Variants in PRKG1 observed in about 807,000 individuals in gnomAD.
PRKG1 encodes protein kinase cGMP-dependent 1, also known as cGMP-dependent protein kinase 1.
PRKG1 carries 35 observed loss-of-function variants against 88.1 expected under a neutral mutation model. The ratio of observed to expected loss-of-function variants is 0.40; its 90% confidence interval spans 0.30 to 0.53. The LOEUF (loss-of-function observed/expected upper bound fraction) is 0.53. Among genes scored for constraint, PRKG1 ranks in the 20% least tolerant of loss-of-function variants. The pLI is 0.59. For synonymous variants in PRKG1, 303 were observed against 292.5 expected, an observed-to-expected ratio of 1.04 and a Z score of -0.37; for missense variants, 540 against 839.8, an observed-to-expected ratio of 0.64 and a Z score of 4.41.
In PRKG1 at chr10:51,859,040, C is replaced by T. The variant is rs1017323375; in HGVS notation, c.699-48467C>T. Among the ~76,000 whole-genome samples the T allele has an allele frequency of 4.6e-5, 7 of 152,158 alleles. No homozygotes were observed. In the South Asian group the frequency reaches 8.3e-4, roughly 18 times the overall value. On this transcript the variant is annotated intron_variant, in intron 4 of 17. Transcript: ENST00000373980. ...TGGCCTGCTCGATAGAACAAAAGCTCCTGCTTATTTGAGAAAGTGATGAGG... is the reference window on the plus strand; with the variant it reads ...TGGCCTGCTCGATAGAACAAAAGCTTCTGCTTATTTGAGAAAGTGATGAGG...
intron 1 of PRKG1, among the ~76,000 whole-genome samples, chr10:51,081,646 A>G (rs1844114020): frequency 6.6e-6 from 1 of 152,246 alleles, no homozygotes; most frequent in South Asian, 2.1e-4. Context: ...GAAAGCATCA[A>G]GAATTACACT....
intron 2 of PRKG1, among the ~76,000 whole-genome samples, chr10:51,179,695 C>T (rs1321911923): frequency 6.6e-6 from 1 of 152,100 alleles, no homozygotes; most frequent in Admixed American, 6.6e-5. Context: ...TGCTCCAGTC[C>T]CTCAGACACC....
At chr10:51,053,265 C>T (rs1056685015) in intron 1 of PRKG1, among the ~76,000 whole-genome samples, 2 of 130,030 alleles carry the variant, frequency 1.5e-5, no homozygotes, top group African/African-American at 2.9e-5. Flanking sequence ...AAAAAAAAAA[C>T]CATTTTCCAC....
intron 2 of PRKG1, among the ~76,000 whole-genome samples, chr10:51,412,180 TGAGAGAGAGAGAGA>T (rs746950388): frequency 3.2e-5 from 4 of 125,276 alleles, no homozygotes; most frequent in Admixed American, 2.4e-4. Context: ...GGAGAGAGAG[TGAGAGAGAGAGAGA>T]GAGAGAGAGA....
chr10:51,627,458 C>T (rs1839366565), intron 3 of PRKG1, among the ~76,000 whole-genome samples: 1 of 152,088 alleles, frequency 6.6e-6, no homozygotes, highest in Non-Finnish European at 1.5e-5. Context: ...TAAGGAAAAC[C>T]TCCCAATTAA....
At chr10:51,371,938 G>C (rs1478085068) in intron 2 of PRKG1, among the ~76,000 whole-genome samples, 1 of 148,332 alleles carries the variant, frequency 6.7e-6, no homozygotes, top group Non-Finnish European at 1.5e-5. Context: ...CAGGGTGATG[G>C]TACAGCCAGT....
intron 4 of PRKG1, among the ~76,000 whole-genome samples, chr10:51,810,480 A>G (rs561421580): frequency 6.6e-6 from 1 of 152,276 alleles, no homozygotes; most frequent in Non-Finnish European, 1.5e-5. Context: ...AGCTGCTTTG[A>G]TGATCCCTCC....
At chr10:51,231,009 A>T (rs1838830025) in intron 2 of PRKG1, among the ~76,000 whole-genome samples, 1 of 152,122 alleles carries the variant, frequency 6.6e-6, no homozygotes, top group South Asian at 2.1e-4. Flanking sequence ...GTTACTGTAA[A>T]CCATTAAGTC....
intron 1 of PRKG1, among the ~76,000 whole-genome samples, chr10:51,140,995 G>A (rs1845807747): frequency 6.6e-6 from 1 of 152,060 alleles, no homozygotes; most frequent in African/African-American, 2.4e-5. Flanking sequence ...TATATCTTGG[G>A]CTTAGTTTTC....
At chr10:51,558,098 A>C (rs1047056777) in intron 3 of PRKG1, among the ~76,000 whole-genome samples, 4 of 152,084 alleles carry the variant, frequency 2.6e-5, no homozygotes, top group African/African-American at 9.7e-5. Flanking sequence ...CTTTTGAATA[A>C]AAATTACCAA....
chr10:51,575,757 G>A (rs1837870363), intron 3 of PRKG1, among the ~76,000 whole-genome samples: 1 of 151,630 alleles, frequency 6.6e-6, no homozygotes, highest in Non-Finnish European at 1.5e-5. Flanking sequence ...CTAAGGACCT[G>A]CACAACTTTG....
intron 2 of PRKG1, among the ~76,000 whole-genome samples, chr10:51,275,465 T>C (rs1840090316): frequency 6.6e-6 from 1 of 152,234 alleles, no homozygotes; most frequent in Non-Finnish European, 1.5e-5. Flanking sequence ...TCATAATGTA[T>C]TTCCTCATAG....
rs374739496 is a variant in PRKG1, at chr10:51,979,453, GT to G, written c.762+71887del. Among the ~76,000 whole-genome samples, 511 of 106,004 alleles carry G rather than the reference GT, an allele frequency of 4.8e-3. 3 individuals are homozygous for G. The highest frequency in any genetic ancestry group is 0.017 in the Middle Eastern group (2 of 118). 69.5% of individuals were successfully genotyped at this position (106,004 alleles called of 152,430 possible). On this transcript the variant is annotated intron_variant, in intron 5 of 17. Coordinates refer to ENST00000373980, the MANE Select transcript of PRKG1 (RefSeq NM_006258.4). ...TTTTTTTCTGTTTTGTCTCTGCCAGGTTTTGGTATCAGGATGACGCTGGCCT... is the reference window on the plus strand; with the variant it reads ...TTTTTTTCTGTTTTGTCTCTGCCAGGTTTGGTATCAGGATGACGCTGGCCT...
chr10:51,436,884 A>G (rs77409035), intron 2 of PRKG1, among the ~76,000 whole-genome samples: 5,460 of 152,112 alleles, frequency 0.036, 108 homozygotes, highest in Non-Finnish European at 0.041. Flanking sequence ...TGAGAATAAA[A>G]TAATGAACTG....
intron 3 of PRKG1, among the ~76,000 whole-genome samples, chr10:51,523,775 G>T (rs1255149321): frequency 6.6e-6 from 1 of 152,076 alleles, no homozygotes; most frequent in African/African-American, 2.4e-5. Flanking sequence ...GCATTAAAGT[G>T]GAAAATAAAC....
chr10:52,167,295 GAGA>G (rs1429987178), intron 9 of PRKG1, among the ~76,000 whole-genome samples: 1 of 152,032 alleles, frequency 6.6e-6, no homozygotes, highest in Non-Finnish European at 1.5e-5. Context: ...TGTGAACTAA[GAGA>G]AGGAGAACTC....
intron 1 of PRKG1, among the ~76,000 whole-genome samples, chr10:51,087,512 G>A (rs573845362): frequency 2.0e-5 from 3 of 152,300 alleles, no homozygotes; most frequent in African/African-American, 7.2e-5. Flanking sequence ...GCAGGGTTAT[G>A]TAAGCCCAGA....
chr10:51,416,736 T>G (rs1490443877), intron 2 of PRKG1, among the ~76,000 whole-genome samples: 2 of 152,116 alleles, frequency 1.3e-5, no homozygotes, highest in Non-Finnish European at 2.9e-5. Context: ...TCACGTACAT[T>G]TGCTGCCCTT....
intron 5 of PRKG1, among the ~76,000 whole-genome samples, chr10:52,026,819 A>G (rs1219128378): frequency 6.6e-6 from 1 of 152,134 alleles, no homozygotes; most frequent in Non-Finnish European, 1.5e-5. Flanking sequence ...TACTAAAAAT[A>G]CAAAAATTAG....
Sources: allele counts gnomAD v4.1 joint callset (sites outside exome capture counted in the v4.1 genomes callset), GRCh38; gene constraint gnomAD v4.1.1; transcripts MANE v1.5; gene names NCBI Gene and HGNC (gene_info 2026-07-23, HGNC 2026-07-21).